The following SEMA3A variants were observed in gnomAD, a reference collection of about 807,000 sequenced individuals.
SEMA3A encodes the protein semaphorin 3A.
SEMA3A carries 29 observed loss-of-function variants against 97.9 expected under a neutral mutation model. That is an observed-to-expected ratio of 0.30 (90% CI 0.22 to 0.40). SEMA3A has a LOEUF of 0.40. SEMA3A is among the 10% of genes least tolerant of loss of function. The pLI, the probability that SEMA3A is intolerant of heterozygous loss-of-function variation, is 1.00. For missense variants in SEMA3A, 763 were observed against 951.3 expected, an observed-to-expected ratio of 0.80 and a Z score of 2.60; for synonymous variants, 321 against 323.7, an observed-to-expected ratio of 0.99 and a Z score of 0.09.
Position 84,350,717 on chromosome 7 carries a change from C to T in SEMA3A, c.-169+21107G>A, listed in dbSNP as rs10273313. Among the ~76,000 whole-genome samples the T allele has an allele frequency of 8.1e-4, 124 of 152,230 alleles. 1 individual carries two copies. Among genetic ancestry groups the T allele is most frequent in the African/African-American group, 2.8e-3 (117 of 41,556 alleles). On this transcript the variant is annotated intron_variant, in intron 2 of 3. Transcript: ENST00000424555. Reference sequence around the variant, plus strand: ...GCAAGCATCATTAATGCTGCTTAAACCAAAGAATGATCAGAGCACAACTGT... The same window carrying T: ...GCAAGCATCATTAATGCTGCTTAAATCAAAGAATGATCAGAGCACAACTGT...
intron 1 of SEMA3A, among the ~76,000 whole-genome samples, chr7:84,179,364 T>C (rs1797665119): frequency 6.6e-6 from 1 of 152,208 alleles, no homozygotes; most frequent in Non-Finnish European, 1.5e-5. Context: ...ATACACAGCA[T>C]ACATTAATGC....
At chr7:84,430,630 G>A (rs1274796986) in intron 1 of SEMA3A, among the ~76,000 whole-genome samples, 2 of 151,938 alleles carry the variant, frequency 1.3e-5, no homozygotes, top group African/African-American at 4.8e-5. Context: ...ATAGTAATCT[G>A]ACTCCATGTT....
At position 83,960,697 on chromosome 7, in the gene SEMA3A, C is replaced by T. The variant is rs1788430011; in HGVS notation, c.*674G>A. On this transcript the variant is annotated 3_prime_UTR_variant, in exon 17 of 17. Transcript: ENST00000265362. ...TAGCTTAGAAAACAACTAATTTTTA[C>T]TGCATATTTTTCATGGTACATTTAA... 2 of 152,482 alleles carry T rather than the reference C, an allele frequency of 1.3e-5. No individual in the cohort carries two copies. The highest frequency in any genetic ancestry group is 6.6e-5 in the Admixed American group (1 of 15,250). 9.4% of individuals were successfully genotyped at this position (152,482 alleles called of 1,614,324 possible).
rs571074131 is a variant in SEMA3A, at chr7:84,211,975, G to A, written c.-82-17307C>T. On this transcript the variant is annotated intron_variant, in intron 3 of 3. Transcript: ENST00000424555. Reference sequence around the variant, plus strand: ...TGAAACAACCAACCTGGGAAGAACCGGGGAAAGTAATGTCATGCATATCCA... The same window carrying A: ...TGAAACAACCAACCTGGGAAGAACCAGGGAAAGTAATGTCATGCATATCCA... Among the ~76,000 whole-genome samples, 9 of 152,296 alleles carry A rather than the reference G, an allele frequency of 5.9e-5. No individual in the cohort carries two copies. The South Asian group carries it at 1.0e-3, about 18-fold the overall frequency.
intron 6 of SEMA3A, among the ~76,000 whole-genome samples, chr7:84,038,144 C>T (rs151133554): frequency 2.2e-4 from 34 of 152,114 alleles, no homozygotes; most frequent in African/African-American, 6.3e-4. Flanking sequence ...GAAGCAGAGT[C>T]GATTTACTTT....
chr7:84,468,961 C>CT (rs1306429953), intron 1 of SEMA3A, among the ~76,000 whole-genome samples: 5 of 151,466 alleles, frequency 3.3e-5, no homozygotes, highest in African/African-American at 7.3e-5. Context: ...AGGTGATTTT[C>CT]TTTTTTTATT....
intron 3 of SEMA3A, among the ~76,000 whole-genome samples, chr7:84,270,479 CAAT>C (rs1316844115): frequency 6.7e-6 from 1 of 150,366 alleles, no homozygotes; most frequent in Non-Finnish European, 1.5e-5. Context: ...CAGCCTTTGG[CAAT>C]AATATCTTTT....
At chr7:84,061,917 T>G (rs1440001782) in intron 4 of SEMA3A, among the ~76,000 whole-genome samples, 1 of 152,202 alleles carries the variant, frequency 6.6e-6, no homozygotes, top group Non-Finnish European at 1.5e-5. Flanking sequence ...TTTATGGGCT[T>G]TCACAGAATT....
In SEMA3A at chr7:84,446,475, A is replaced by G. The variant is rs368995241; in HGVS notation, c.-246+45985T>C. 1.9e-4 allele frequency among the ~76,000 whole-genome samples: 29 copies of G among 152,306 alleles called. 1 individual carries two copies. The East Asian group carries it at 5.0e-3, about 26-fold the overall frequency. On this transcript the variant is annotated intron_variant, in intron 1 of 3. Transcript: ENST00000424555. ...TATATTAAAAGGATTATACACCACA[A>G]CTAAGAGGAATTTATTCTTGGAATA...
intron 1 of SEMA3A, among the ~76,000 whole-genome samples, chr7:84,403,331 T>C (rs891804206): frequency 3.9e-5 from 6 of 152,094 alleles, no homozygotes; most frequent in Non-Finnish European, 7.4e-5. Flanking sequence ...AACTGCAAGG[T>C]GGCAGCGAGG....
In SEMA3A at chr7:84,014,269, A is replaced by G. The variant is rs774084495; in HGVS notation, c.750T>C (p.Asn250=). The G allele has an allele frequency of 1.2e-6, 2 of 1,613,234 alleles. No individual in the cohort carries two copies. Among genetic ancestry groups the G allele is most frequent in the Non-Finnish European group, 1.7e-6 (2 of 1,179,612 alleles). Residue 250 remains asparagine (N), a synonymous_variant, in exon 7 of 17, where the codon AAT becomes AAC. Transcript: ENST00000265362. ...DDKVYFFFRE[N]AIDGEHSGKA... ...TTCCAGAGTGTTCTCCATCTATTGC[A>G]TTTTCACGGAAGAAAAAGTATACTT...
chr7:84,434,409 T>G (rs1224958953), intron 1 of SEMA3A, among the ~76,000 whole-genome samples: 1 of 152,072 alleles, frequency 6.6e-6, no homozygotes, highest in Non-Finnish European at 1.5e-5. Flanking sequence ...ACAAAATGGA[T>G]TCACAGCAAA....
intron 3 of SEMA3A, among the ~76,000 whole-genome samples, chr7:84,258,399 C>T (rs1562874981): frequency 6.6e-6 from 1 of 151,906 alleles, no homozygotes; most frequent in Non-Finnish European, 1.5e-5. Context: ...AATTCTTTCC[C>T]ACCATATAAA....
chr7:84,401,708 A>T (rs926908951), intron 1 of SEMA3A, among the ~76,000 whole-genome samples: 1 of 152,190 alleles, frequency 6.6e-6, no homozygotes, highest in African/African-American at 2.4e-5. Context: ...AACTACACAC[A>T]TTTAAAGCCA....
intron 3 of SEMA3A, among the ~76,000 whole-genome samples, chr7:84,236,370 T>C (rs1799236046): frequency 6.6e-6 from 1 of 152,090 alleles, no homozygotes; most frequent in African/African-American, 2.4e-5. Flanking sequence ...CTATCCTAGA[T>C]ATCCAATATA....
chr7:84,057,751 GATAAATAAATAAATAA>G (rs71297135), intron 5 of SEMA3A, among the ~76,000 whole-genome samples: 45 of 142,714 alleles, frequency 3.2e-4, no homozygotes, highest in African/African-American at 1.1e-3. Context: ...GACAGAGCAA[GATAAATAAATAAATAA>G]ATAAATAAAT....
chr7:83,982,772 TCATGTATAAACTG>T (rs956681961), intron 13 of SEMA3A, among the ~76,000 whole-genome samples: 6 of 152,272 alleles, frequency 3.9e-5, no homozygotes, highest in African/African-American at 1.4e-4. Flanking sequence ...CCAAAGGCTT[TCATGTATAAACTG>T]CATGTATAAA....
chr7:84,275,608 T>C (rs1800273991), intron 3 of SEMA3A, among the ~76,000 whole-genome samples: 1 of 151,912 alleles, frequency 6.6e-6, no homozygotes, highest in Non-Finnish European at 1.5e-5. Flanking sequence ...GCCAGGATTC[T>C]GCATTCCTAG....
intron 1 of SEMA3A, among the ~76,000 whole-genome samples, chr7:84,150,478 C>G (rs930376746): frequency 6.6e-6 from 1 of 152,192 alleles, no homozygotes; most frequent in Admixed American, 6.5e-5. Context: ...AAAGGGGTGA[C>G]GGACGGCACC....
Sources: gnomAD v4.1 joint callset for allele counts (sites outside exome capture counted in the v4.1 genomes callset) on GRCh38, gnomAD v4.1.1 for gene constraint, MANE v1.5 for transcripts, NCBI Gene and HGNC (gene_info 2026-07-23, HGNC 2026-07-21) for gene names.